The following LRR1 variants were observed in gnomAD, a reference collection of about 807,000 sequenced individuals.
The protein encoded by LRR1 is leucine rich repeat protein 1.
In LRR1, 29 loss-of-function variants were observed where a neutral mutation model predicts 31.6. The observed-to-expected ratio is 0.92, with a 90% CI of 0.68 to 1.25. The LOEUF (loss-of-function observed/expected upper bound fraction) is 1.25. LRR1 is among the 50% of genes most tolerant of loss of function. The pLI, the probability that LRR1 is intolerant of heterozygous loss-of-function variation, is 0.00. For synonymous variants in LRR1, 179 were observed against 181.4 expected (o/e 0.99, Z 0.10); for missense variants, 485 against 487.2 (o/e 1.00, Z 0.04).
In LRR1 at chr14:49,607,592, C is replaced by T; in HGVS notation, c.475C>T (p.Leu159Phe). The change falls in exon 3 of 4, where the codon CTT becomes TTT. Residue 159 changes from leucine (L) to phenylalanine (F), a missense_variant. Physicochemically the swap from Leu to Phe is conservative, Grantham distance 22. Coordinates refer to ENST00000298288, the MANE Select transcript of LRR1 (RefSeq NM_152329.4). ...SKNFPYSLEH[L>F]QTSYCGLVRV... is the part of the protein sequence containing the mutation. ...GAATTTTCCATATTCCTTGGAACAT[C>T]TTCAGACTTCTTACTGTGGGCTTGT... is the stretch of plus-strand genomic sequence containing the variant. 2 of 1,614,202 alleles carry T rather than the reference C, an allele frequency of 1.2e-6. No individual in the cohort carries two copies. The highest frequency in any genetic ancestry group is 1.7e-6 in the Non-Finnish European group (2 of 1,180,026).
At chr14:49,603,729 T>G (rs1243297927) in intron 2 of LRR1, 1 of 942,520 alleles carries the variant, frequency 1.1e-6, no homozygotes, top group East Asian at 1.2e-4. Context: ...AGTCTCTCCC[T>G]GTCACCCAGG....
chr14:49,608,420 T>C (rs1210517709), intron 3 of LRR1, among the ~76,000 whole-genome samples: 1 of 87,366 alleles, frequency 1.1e-5, no homozygotes, highest in East Asian at 2.3e-4. Flanking sequence ...TTTTTTTTTT[T>C]TTTTTTTTTT....
intron 2 of LRR1, among the ~76,000 whole-genome samples, chr14:49,602,745 T>C (rs1882112020): frequency 6.6e-6 from 1 of 152,180 alleles, no homozygotes; most frequent in Non-Finnish European, 1.5e-5. Flanking sequence ...GCGATCCTCT[T>C]GCCTCAGCCT....
At position 49,607,711 on chromosome 14, in the gene LRR1, C is replaced by T; in HGVS notation, c.594C>T (p.Asp198=). The change falls in exon 3 of 4, where the codon GAC becomes GAT. Residue 198 remains aspartate, a synonymous_variant. Coordinates refer to ENST00000298288, the MANE Select transcript of LRR1 (RefSeq NM_152329.4). The part of the protein sequence containing the change: ...HIKKLPATIG[D]LIHLQELNLN... ...AAAAGCTTCCAGCTACAATTGGAGACCTCATACACCTTCAAGAACTTAACC... is the reference window on the plus strand; with the variant it reads ...AAAAGCTTCCAGCTACAATTGGAGATCTCATACACCTTCAAGAACTTAACC... 1 of 1,612,530 alleles carries T rather than the reference C, an allele frequency of 6.2e-7. No individual in the cohort carries two copies. The highest frequency in any genetic ancestry group is 2.2e-5 in the East Asian group (1 of 44,866).
rs7160061 is a variant in LRR1, at chr14:49,601,205, A to G, written c.184-1165A>G. 14,621 of 1,491,638 alleles carry G rather than the reference A, an allele frequency of 9.8e-3. 952 individuals are homozygous for G. In the African/African-American group the frequency reaches 0.16, roughly 16 times the overall value. The allele number at this position is 1,491,638 out of a possible 1,614,324, so 92.4% of individuals were successfully genotyped here. On this transcript the variant is annotated intron_variant, in intron 1 of 3. Transcript: ENST00000298288. The stretch of plus-strand genomic sequence containing the variant: ...TGTAACCTAAATATTTCTATATTAA[A>G]GCTTAATGTGCTTTCTTAAAAAAAA...
rs142877620 is a variant in LRR1 at position 49,611,846 on chromosome 14, C to T, written c.1005-2410C>T. On this transcript the variant is annotated intron_variant, in intron 3 of 3. Transcript: ENST00000298288. ...GCTGAGGCAGGATATATTGCTTGAA[C>T]CCGGGAGGTTGAGGTTGTAGTGAGC... Among the ~76,000 whole-genome samples, 1,131 of 151,384 alleles carry T rather than the reference C, an allele frequency of 7.5e-3. 9 individuals carry two copies. Among genetic ancestry groups the T allele is most frequent in the Non-Finnish European group, 0.012 (786 of 67,884 alleles).
chr14:49,608,432 T>TTTTTTTTTTTTTTTTTTTTTTG (rs1882378477), intron 3 of LRR1, among the ~76,000 whole-genome samples: 1 of 111,220 alleles, frequency 9.0e-6, no homozygotes, highest in Non-Finnish European at 2.0e-5. Context: ...TTTTTTTTTT[T>TTTTTTTTTTTTTTTTTTTTTTG]TTTTTTTTTT....
rs764907176 is a variant in LRR1, at chr14:49,607,470, C to T, written c.353C>T (p.Thr118Ile). ...GCTCATAGAGGCTGTAATGTTGATA[C>T]ACCAGTTTCAACGCTCACACCAGTG... is the stretch of plus-strand genomic sequence containing the variant. ...RLAHRGCNVD[T>I]PVSTLTPVKT... The change falls in exon 3 of 4, where the codon ACA (threonine) becomes ATA (isoleucine). Residue 118 changes from threonine (T) to isoleucine (I), a missense_variant. Thr to Ile is a moderately conservative substitution (Grantham distance 89). Around this residue, in one of 3 missense-constraint regions of LRR1, gnomAD observed 260 missense variants for 249.6 expected, o/e 1.04. Coordinates refer to ENST00000298288, the MANE Select transcript of LRR1 (RefSeq NM_152329.4). The T allele has an allele frequency of 2.4e-5, 39 of 1,613,202 alleles. No individual in the cohort carries two copies. The highest frequency in any genetic ancestry group is 2.7e-5 in the African/African-American group (2 of 74,762).
intron 1 of LRR1, chr14:49,601,751 T>G (rs1882061496): frequency 8.5e-7 from 1 of 1,176,458 alleles, no homozygotes; most frequent in African/African-American, 1.6e-5. Flanking sequence ...CAAAGGAGAG[T>G]TACTGGACAG....
In LRR1 at chr14:49,608,091, A is replaced by T; in HGVS notation, c.974A>T (p.Glu325Val). 1.9e-6 allele frequency: 3 copies of T among 1,597,136 alleles called. No individual in the cohort carries two copies. The highest frequency in any genetic ancestry group is 2.6e-6 in the Non-Finnish European group (3 of 1,173,756). ...CTGCAAGCACCATTAACTTTATTGG[A>T]ATCTTCTGCACGAACCATATTACAT... ...IKLQAPLTLL[E>V]SSARTILHNR... is the part of the protein sequence containing the mutation. Residue 325 changes from glutamate (E) to valine (V), a missense_variant, in exon 3 of 4, where the codon GAA becomes GTA. Physicochemically the swap from Glu to Val is moderately radical, Grantham distance 121 (BLOSUM62 -2). Around this residue, in one of 3 missense-constraint regions of LRR1, gnomAD observed 210 missense variants for 200.4 expected, o/e 1.05. Coordinates refer to ENST00000298288, the MANE Select transcript of LRR1 (RefSeq NM_152329.4).
At position 49,608,140 on chromosome 14, in the gene LRR1, T is replaced by G. The variant is rs907317778; in HGVS notation, c.1004+19T>G. 6.6e-7 allele frequency: 1 copy of G among 1,522,550 alleles called. No homozygotes were observed. The allele number at this position is 1,522,550 out of a possible 1,614,324, so 94.3% of individuals were successfully genotyped here. Reference sequence around the variant, plus strand: ...ATAATAGGTAAGATTTTAATAGTCATGTAATGTGGTGTCTTTGATAGCATT... The same window carrying G: ...ATAATAGGTAAGATTTTAATAGTCAGGTAATGTGGTGTCTTTGATAGCATT... On this transcript the variant is annotated intron_variant, in intron 3 of 3. Transcript: ENST00000298288.
intron 2 of LRR1, chr14:49,603,535 T>C (rs1221182954): frequency 2.0e-4 from 53 of 266,536 alleles, no homozygotes; most frequent in South Asian, 6.7e-4. Context: ...TTTTTTTTTT[T>C]TTTTTTTTTT....
rs188721853 is a variant in LRR1 at position 49,611,885 on chromosome 14, C to G, written c.1005-2371C>G. On this transcript the variant is annotated intron_variant, in intron 3 of 3. Transcript: ENST00000298288. ...GTTGTAGTGAGCTGAGATTGTAGCA[C>G]CACACTACAGCCTGGGCTGCAGAGT... Among the ~76,000 whole-genome samples, 120 of 149,264 alleles carry G rather than the reference C, an allele frequency of 8.0e-4. 1 individual carries two copies. Among genetic ancestry groups the G allele is most frequent in the African/African-American group, 2.9e-3 (116 of 40,426 alleles).
At chr14:49,607,275 A>C in intron 2 of LRR1, 125 bp from the exon 3 acceptor site, 3 of 1,088,286 alleles carry the variant, frequency 2.8e-6, no homozygotes, top group Non-Finnish European at 3.7e-6. Flanking sequence ...AAAGTTTTAC[A>C]GTCAATTTCA....
In LRR1 at chr14:49,599,222, C is replaced by T. The variant is rs903009608; in HGVS notation, c.183+19C>T. The T allele has an allele frequency of 6.3e-7, 1 of 1,576,540 alleles. No individual in the cohort carries two copies. Among genetic ancestry groups the T allele is most frequent in the Non-Finnish European group, 8.6e-7 (1 of 1,158,810 alleles). On this transcript the variant is annotated intron_variant, in intron 1 of 3. Transcript: ENST00000298288. Reference sequence around the variant, plus strand: ...CTATGAGGTGCGTGAAGTGGGCAGGCCCTGTCAGTCTCGCGTTCTTCTTGG... The same window carrying T: ...CTATGAGGTGCGTGAAGTGGGCAGGTCCTGTCAGTCTCGCGTTCTTCTTGG...
chr14:49,603,931 T>TCCGC (rs1466210812), intron 2 of LRR1, among the ~76,000 whole-genome samples: 2 of 150,598 alleles, frequency 1.3e-5, no homozygotes, highest in African/African-American at 4.9e-5. Context: ...GACCTCGTGA[T>TCCGC]CCGCCCACCT....
chr14:49,599,864 C>G (rs112304494), intron 1 of LRR1: 22 of 444,296 alleles, frequency 5.0e-5, no homozygotes, highest in African/African-American at 8.5e-5. Flanking sequence ...TGCTTGGGGC[C>G]GGGGGGGCGG....
chr14:49,611,816 G>A (rs1380544738), intron 3 of LRR1, among the ~76,000 whole-genome samples: 5 of 151,532 alleles, frequency 3.3e-5, no homozygotes, highest in African/African-American at 1.2e-4. Context: ...TCAGCTACTG[G>A]GGAGGCTGAG....
At chr14:49,609,604 T>C (rs1464915177) in intron 3 of LRR1, among the ~76,000 whole-genome samples, 2 of 151,472 alleles carry the variant, frequency 1.3e-5, no homozygotes, top group East Asian at 3.9e-4. Context: ...AGACGGAGTT[T>C]TACTATGTTG....
Sources: allele counts gnomAD v4.1 joint callset (sites outside exome capture counted in the v4.1 genomes callset), GRCh38; gene constraint gnomAD v4.1.1; regional missense constraint gnomAD v4.1.1; transcripts MANE v1.5; gene names NCBI Gene and HGNC (gene_info 2026-07-23, HGNC 2026-07-21).